M1AP: variants seen among roughly 807,000 people sequenced by gnomAD.
The protein encoded by M1AP is meiosis 1 arrest protein.
Under a neutral mutation model 51.2 loss-of-function variants are expected in M1AP, and 39 were observed. The ratio of observed to expected loss-of-function variants is 0.76; its 90% CI spans 0.59 to 1.00. M1AP has a LOEUF of 1.00. M1AP is among the 50% of genes least tolerant of loss of function. The probability of loss-of-function intolerance (pLI) is 0.00; values close to 1 mark genes in which losing one functional copy is unlikely to be tolerated. For missense variants in M1AP, 545 were observed against 641.2 expected, an observed-to-expected ratio of 0.85 and a Z score of 1.62; for synonymous variants, 251 against 249.2, an observed-to-expected ratio of 1.01 and a Z score of -0.07.
intron 8 of M1AP, among the ~76,000 whole-genome samples, chr2:74,560,577 C>T (rs1468925424): frequency 3.3e-5 from 5 of 152,092 alleles, no homozygotes; most frequent in African/African-American, 1.2e-4. Flanking sequence ...AGGGGGCCGG[C>T]GCACATGAAT....
intron 2 of M1AP, chr2:74,628,321 TC>T: frequency 2.8e-6 from 1 of 357,206 alleles, no homozygotes; most frequent in Non-Finnish European, 5.6e-6. Flanking sequence ...CTTTCTCTAT[TC>T]AGGAAGCTTC....
At chr2:74,599,842 T>G (rs2104670633) in intron 4 of M1AP, among the ~76,000 whole-genome samples, 1 of 152,180 alleles carries the variant, frequency 6.6e-6, no homozygotes, top group South Asian at 2.1e-4. Flanking sequence ...ATTTTTTTTT[T>G]TTTTTAAAGA....
chr2:74,594,403 A>G (rs1680209461), intron 4 of M1AP, among the ~76,000 whole-genome samples: 1 of 152,214 alleles, frequency 6.6e-6, no homozygotes, highest in South Asian at 2.1e-4. Flanking sequence ...ATAAAAAATG[A>G]AAAGATAGGA....
intron 2 of M1AP, among the ~76,000 whole-genome samples, chr2:74,617,027 T>TA (rs1005249764): frequency 1.3e-5 from 2 of 152,170 alleles, no homozygotes; most frequent in African/African-American, 4.8e-5. Flanking sequence ...CAAAAGGCTA[T>TA]AAAAGAAATG....
Position 74,576,558 on chromosome 2 carries a change from G to C in M1AP, c.830C>G (p.Ala277Gly). Reference sequence around the variant, plus strand: ...GTCATCCATTCTCAAGGAGCCGTCAGCTGTGCCAGCGAGTAGGGATGGGCA... The same window carrying C: ...GTCATCCATTCTCAAGGAGCCGTCACCTGTGCCAGCGAGTAGGGATGGGCA... ...LLCPSLLAGT[A>G]DGSLRMDDPK... is the part of the protein sequence containing the mutation. The change falls in exon 6 of 11, where the codon GCT (alanine) becomes GGT (glycine). Residue 277 changes from alanine to glycine, a missense_variant. Physicochemically the swap from Ala to Gly is moderately conservative, Grantham distance 60. Coordinates refer to ENST00000421985, the MANE Select transcript of M1AP (RefSeq NM_001321739.2). 1 of 1,614,128 alleles carries C rather than the reference G, an allele frequency of 6.2e-7. No individual in the cohort carries two copies.
intron 7 of M1AP, among the ~76,000 whole-genome samples, chr2:74,565,877 C>CA (rs1678354420): frequency 6.9e-6 from 1 of 145,150 alleles, no homozygotes; most frequent in South Asian, 2.3e-4. Flanking sequence ...AAACATTTGG[C>CA]AAAATCCAAC....
Position 74,558,596 on chromosome 2 carries a change from G to A in M1AP, c.*120C>T. On this transcript the variant is annotated 3_prime_UTR_variant, in exon 11 of 11. Transcript: ENST00000421985. ...AGGACAGGAAGGCTGTTGTTTCCCA[G>A]TCAGCCCTCACTCACAGAGGCTCAG... The A allele has an allele frequency of 8.4e-7, 1 of 1,193,274 alleles. No homozygotes were observed. The highest frequency in any genetic ancestry group is 1.2e-6 in the Non-Finnish European group (1 of 839,450). 73.9% of individuals were successfully genotyped at this position (1,193,274 alleles called of 1,614,324 possible).
intron 2 of M1AP, among the ~76,000 whole-genome samples, chr2:74,617,178 C>T (rs1030462933): frequency 1.1e-4 from 16 of 152,188 alleles, no homozygotes; most frequent in Non-Finnish European, 1.9e-4. Flanking sequence ...AAATGCTACA[C>T]CATTGTTCTA....
chr2:74,563,607 A>T lies in M1AP; in HGVS notation c.1075-1184T>A, dbSNP rs988628282. Among the ~76,000 whole-genome samples, 526 of 117,734 alleles carry T rather than the reference A, an allele frequency of 4.5e-3. 2 individuals carry two copies. Among genetic ancestry groups the T allele is most frequent in the Non-Finnish European group, 4.5e-3 (250 of 55,326 alleles). The allele number at this position is 117,734 out of a possible 152,430, so 77.2% of individuals were successfully genotyped here. A position where few individuals can be genotyped will look rare whatever the true frequency, so the allele number is the denominator to read the frequency against. ...AGAGCGAAACTCTGTCTCAAAACAT[A>T]AAAAAAAAAAAAAAAAAAAACATAA... On this transcript the variant is annotated intron_variant, in intron 7 of 10. Coordinates refer to ENST00000421985, the MANE Select transcript of M1AP (RefSeq NM_001321739.2).
chr2:74,640,461 C>CT, intron 1 of M1AP, 134 bp from the exon 2 acceptor site: 10 of 696,108 alleles, frequency 1.4e-5, no homozygotes, highest in East Asian at 3.0e-5. Flanking sequence ...CCAGGCCATC[C>CT]TATTTTTTTT....
chr2:74,632,267 C>A (rs1026915227), intron 2 of M1AP, among the ~76,000 whole-genome samples: 4 of 152,142 alleles, frequency 2.6e-5, no homozygotes, highest in African/African-American at 9.6e-5. Flanking sequence ...GGTGCACAGC[C>A]AATGCACTGC....
At chr2:74,615,530 G>C (rs1681616950) in intron 2 of M1AP, 1 of 197,622 alleles carries the variant, frequency 5.1e-6, no homozygotes, top group Non-Finnish European at 1.1e-5. Context: ...AGTCAGTCTA[G>C]GCACCAAAAG....
intron 4 of M1AP, among the ~76,000 whole-genome samples, chr2:74,597,853 T>C (rs903900390): frequency 6.6e-6 from 1 of 152,200 alleles, no homozygotes; most frequent in Non-Finnish European, 1.5e-5. Flanking sequence ...ACATATTTAT[T>C]ACTTAGTCAT....
chr2:74,571,997 CAAA>C (rs1207829899), intron 7 of M1AP, among the ~76,000 whole-genome samples: 13 of 72,916 alleles, frequency 1.8e-4, no homozygotes, highest in South Asian at 1.3e-3. Context: ...AACTCCGTCT[CAAA>C]AAAAAAAAAA....
At chr2:74,592,936 T>A (rs1458715944) in intron 4 of M1AP, among the ~76,000 whole-genome samples, 1 of 152,236 alleles carries the variant, frequency 6.6e-6, no homozygotes, top group Non-Finnish European at 1.5e-5. Flanking sequence ...TCGTGCCTAT[T>A]TCTGGACCTT....
chr2:74,647,439 C>T lies in M1AP; in HGVS notation c.-53+826G>A. ...GGCCCTATTAAAGATTTCGTGGGCC[C>T]TAAGGCACTTTCGTCTTCGTGGACC... On this transcript the variant is annotated intron_variant, in intron 1 of 10. Transcript: ENST00000421985. 3.1e-6 allele frequency: 3 copies of T among 980,572 alleles called. No individual in the cohort carries two copies. In the South Asian group the frequency reaches 1.4e-4, roughly 46 times the overall value. The allele number at this position is 980,572 out of a possible 1,614,324, so 60.7% of individuals were successfully genotyped here.
intron 1 of M1AP, among the ~76,000 whole-genome samples, chr2:74,643,702 T>A (rs1174787049): frequency 2.0e-5 from 3 of 150,954 alleles, no homozygotes; most frequent in Non-Finnish European, 2.9e-5. Context: ...CAAGTGATCC[T>A]CCCACCTCAG....
chr2:74,560,109 G>A, intron 9 of M1AP, 42 bp downstream of exon 9: 1 of 1,604,084 alleles, frequency 6.2e-7, no homozygotes, highest in Non-Finnish European at 8.5e-7. Context: ...TGAAGGGGAG[G>A]GAGGGGAAGT....
At chr2:74,624,341 A>G (rs553492730) in intron 2 of M1AP, among the ~76,000 whole-genome samples, 3 of 152,330 alleles carry the variant, frequency 2.0e-5, no homozygotes, top group Admixed American at 2.0e-4. Context: ...GAGTATGGCT[A>G]ATATTTGTTG....
Sources: allele counts gnomAD v4.1 joint callset (sites outside exome capture counted in the v4.1 genomes callset), GRCh38; gene constraint gnomAD v4.1.1; transcripts MANE v1.5; gene names NCBI Gene and HGNC (gene_info 2026-07-23, HGNC 2026-07-21).